The following RASEF variants were observed in gnomAD, a reference collection of about 807,000 sequenced individuals.
RASEF encodes the protein RAS and EF-hand domain containing, also known as ras and EF-hand domain-containing protein.
RASEF carries 68 observed loss-of-function variants against 90.1 expected under a neutral mutation model. The observed-to-expected ratio is 0.75, with a 90% CI of 0.62 to 0.92. The LOEUF is 0.92. Ranked by LOEUF, RASEF falls within the 40% of genes least tolerant of loss-of-function variation. The pLI, the probability that RASEF is intolerant of heterozygous loss-of-function variation, is 0.00. For synonymous variants in RASEF, 331 were observed against 345.2 expected (o/e 0.96, Z 0.46); for missense variants, 949 against 937.2 (o/e 1.01, Z -0.16).
intron 14 of RASEF, among the ~76,000 whole-genome samples, chr9:82,995,016 T>C (rs1218804220): frequency 6.6e-6 from 1 of 152,246 alleles, no homozygotes; most frequent in Non-Finnish European, 1.5e-5. Context: ...ACTGTGCTCA[T>C]TCTTTTTCTA....
In RASEF at chr9:82,982,029, GA is replaced by G. The variant is rs1251672376; in HGVS notation, c.*647del. 6.6e-6 allele frequency: 1 copy of G among 152,052 alleles called. No homozygotes were observed. The highest frequency in any genetic ancestry group is 1.9e-4 in the East Asian group (1 of 5,204). 9.4% of individuals were successfully genotyped at this position (152,052 alleles called of 1,614,324 possible). ...TTAATCAAATTCTGTCCTTATTTCA[GA>G]AGTGAGAAAAATCAATACTCCAATA... is the stretch of plus-strand genomic sequence containing the variant. On this transcript the variant is annotated 3_prime_UTR_variant, in exon 17 of 17. Coordinates refer to ENST00000376447, the MANE Select transcript of RASEF (RefSeq NM_152573.4).
rs1484717347 is a variant in RASEF, at chr9:82,990,470, G to A, written c.2041-3C>T. The stretch of plus-strand genomic sequence containing the variant: ...TCACAGAATAATGCCCCATACGTCT[G>A]TAAAAAAGAAATACACACAATTAAA... On this transcript the variant is annotated splice_polypyrimidine_tract_variant and splice_region_variant and intron_variant, in intron 15 of 16. Coordinates refer to ENST00000376447, the MANE Select transcript of RASEF (RefSeq NM_152573.4). 2 of 1,606,602 alleles carry A rather than the reference G, an allele frequency of 1.2e-6. No homozygotes were observed. Among genetic ancestry groups the A allele is most frequent in the Non-Finnish European group, 1.7e-6 (2 of 1,174,490 alleles).
chr9:83,118,622 T>G, the RASEF span, among the ~76,000 whole-genome samples: 249 of 152,300 alleles, frequency 1.6e-3, 1 homozygote, highest in African/African-American at 5.7e-3. Context: ...ATGAAGGATA[T>G]GGAATATTCC....
At chr9:83,040,871 A>T (rs749050959) in intron 1 of RASEF, among the ~76,000 whole-genome samples, 66 of 152,160 alleles carry the variant, frequency 4.3e-4, no homozygotes, top group Middle Eastern at 6.8e-3. Context: ...TTATATATAT[A>T]TTTTTTGAGA....
At chr9:83,114,763 C>T in the RASEF span, among the ~76,000 whole-genome samples, 6 of 152,246 alleles carry the variant, frequency 3.9e-5, no homozygotes, top group East Asian at 7.7e-4. Flanking sequence ...TTGGTCAGAC[C>T]GGTTGTCTGT....
chr9:83,032,553 T>A lies in RASEF; in HGVS notation c.432-6632A>T, dbSNP rs1012631198. ...CTAATTTGTGTCTGAAGATATCAAG[T>A]GAAATGCAATTAGAGAAAAATGTAC... On this transcript the variant is annotated intron_variant, in intron 1 of 16. Coordinates refer to ENST00000376447, the MANE Select transcript of RASEF (RefSeq NM_152573.4). Among the ~76,000 whole-genome samples, 3 of 152,324 alleles carry A rather than the reference T, an allele frequency of 2.0e-5. No homozygotes were observed. The East Asian group carries it at 5.8e-4, about 29-fold the overall frequency.
chr9:83,164,814 T>C, the RASEF span, among the ~76,000 whole-genome samples: 1 of 151,860 alleles, frequency 6.6e-6, no homozygotes, highest in African/African-American at 2.4e-5. Context: ...TGGAGAAAAA[T>C]ATACCATGTT....
chr9:83,192,714 T>TA, the RASEF span, among the ~76,000 whole-genome samples: 2,666 of 68,396 alleles, frequency 0.039, 53 homozygotes, highest in African/African-American at 0.083. Context: ...AAAATAATAG[T>TA]AAAAAAAAAA....
the RASEF span, among the ~76,000 whole-genome samples, chr9:83,102,567 C>T: frequency 3.9e-5 from 6 of 152,246 alleles, no homozygotes; most frequent in African/African-American, 1.2e-4. Flanking sequence ...ACTCATAGCT[C>T]CTAAGAGGAG....
At chr9:83,131,166 C>T in the RASEF span, among the ~76,000 whole-genome samples, 4 of 152,150 alleles carry the variant, frequency 2.6e-5, no homozygotes, top group African/African-American at 9.7e-5. Context: ...ATGACAGGAT[C>T]ATCTATGTAT....
the RASEF span, among the ~76,000 whole-genome samples, chr9:83,174,697 G>T: frequency 2.0e-5 from 3 of 152,082 alleles, no homozygotes; most frequent in African/African-American, 7.2e-5. Flanking sequence ...ATGGCATTTT[G>T]TTGAGCATTG....
chr9:83,058,801 A>G (rs924205916), intron 1 of RASEF, among the ~76,000 whole-genome samples: 1 of 152,196 alleles, frequency 6.6e-6, no homozygotes, highest in African/African-American at 2.4e-5. Context: ...CAATTCACAT[A>G]TGGAAAGTTT....
chr9:83,217,468 C>T, the RASEF span, among the ~76,000 whole-genome samples: 1 of 152,136 alleles, frequency 6.6e-6, no homozygotes, highest in African/African-American at 2.4e-5. Context: ...ATAATCCCCA[C>T]GTCATGGGAG....
At chr9:83,151,802 C>T in the RASEF span, among the ~76,000 whole-genome samples, 1 of 152,296 alleles carries the variant, frequency 6.6e-6, no homozygotes, top group African/African-American at 2.4e-5. Flanking sequence ...AAACTTCCTA[C>T]AGACGTCAGT....
chr9:83,159,414 T>C, the RASEF span, among the ~76,000 whole-genome samples: 1 of 152,186 alleles, frequency 6.6e-6, no homozygotes, highest in Non-Finnish European at 1.5e-5. Flanking sequence ...GAATGAAGTA[T>C]TAAAAACTTC....
chr9:83,131,550 C>G, the RASEF span, among the ~76,000 whole-genome samples: 1 of 152,240 alleles, frequency 6.6e-6, no homozygotes, highest in African/African-American at 2.4e-5. Context: ...GGCTATACTA[C>G]CAAGAAGCCA....
intron 1 of RASEF, among the ~76,000 whole-genome samples, chr9:83,029,103 G>C (rs2118589147): frequency 6.6e-6 from 1 of 152,234 alleles, no homozygotes; most frequent in South Asian, 2.1e-4. Flanking sequence ...CAAATACCTA[G>C]GCAGCCCTAG....
chr9:83,014,607 C>A lies in RASEF; in HGVS notation c.765+1198G>T, dbSNP rs115802113. Among the ~76,000 whole-genome samples, 757 of 152,268 alleles carry A rather than the reference C, an allele frequency of 5.0e-3. 5 individuals carry two copies. The highest frequency in any genetic ancestry group is 0.018 in the African/African-American group (732 of 41,550). On this transcript the variant is annotated intron_variant, in intron 4 of 16. Transcript: ENST00000376447. ...TATTAGGTTTACAGACATGAGCCAC[C>A]ATGCCCAGCAAGGATGATCCTTTTT...
the RASEF span, among the ~76,000 whole-genome samples, chr9:83,190,343 A>G: frequency 1.3e-5 from 2 of 152,188 alleles, no homozygotes; most frequent in African/African-American, 2.4e-5. Context: ...AAACCATTTT[A>G]AAATATATTT....
Sources: gnomAD v4.1 joint callset for allele counts (sites outside exome capture counted in the v4.1 genomes callset) on GRCh38, gnomAD v4.1.1 for gene constraint, MANE v1.5 for transcripts, NCBI Gene and HGNC (gene_info 2026-07-23, HGNC 2026-07-21) for gene names.